Variants in TTC7B observed in about 807,000 individuals in gnomAD.
TTC7B encodes the protein tetratricopeptide repeat protein 7B.
TTC7B carries 28 observed loss-of-function variants against 106.8 expected under a neutral mutation model. The observed-to-expected ratio is 0.26, with a 90% CI of 0.19 to 0.36. The LOEUF (loss-of-function observed/expected upper bound fraction) is 0.36. Among genes scored for constraint, TTC7B ranks in the 10% least tolerant of loss-of-function variants. The probability of loss-of-function intolerance (pLI) is 1.00; values close to 1 mark genes in which losing one functional copy is unlikely to be tolerated. For missense variants in TTC7B, 862 were observed against 1,076.4 expected (o/e 0.80, Z 2.79); for synonymous variants, 405 against 430.6 (o/e 0.94, Z 0.74).
At chr14:90,632,772 T>C (rs1288515235) in intron 15 of TTC7B, among the ~76,000 whole-genome samples, 3 of 152,240 alleles carry the variant, frequency 2.0e-5, no homozygotes, top group Non-Finnish European at 4.4e-5. Flanking sequence ...TTAAATTCTC[T>C]GTGCCTCAGT....
intron 18 of TTC7B, among the ~76,000 whole-genome samples, chr14:90,586,152 C>T (rs1891700051): frequency 6.6e-6 from 1 of 152,230 alleles, no homozygotes; most frequent in Non-Finnish European, 1.5e-5. Flanking sequence ...CAGGTTCTCG[C>T]CTTCACCGCA....
In TTC7B at chr14:90,538,309, T is replaced by TG. The variant is rs1414872003; in HGVS notation, c.*3058dup. The TG allele has an allele frequency of 2.0e-5, 3 of 150,844 alleles. No individual in the cohort carries two copies. The highest frequency in any genetic ancestry group is 4.9e-5 in the African/African-American group (2 of 40,726). 9.3% of individuals were successfully genotyped at this position (150,844 alleles called of 1,614,324 possible). A position where few individuals can be genotyped will look rare whatever the true frequency, so the allele number is the denominator to read the frequency against. On this transcript the variant is annotated 3_prime_UTR_variant, in exon 20 of 20. Coordinates refer to ENST00000328459, the MANE Select transcript of TTC7B (RefSeq NM_001010854.2). ...ACGGACGGACGGACGGGTGGACGGA[T>TG]GAATGGATGGATGGATGGATGGACG...
intron 18 of TTC7B, among the ~76,000 whole-genome samples, chr14:90,593,044 C>T (rs1198129879): frequency 2.0e-5 from 3 of 152,172 alleles, no homozygotes; most frequent in Admixed American, 6.5e-5. Context: ...ACTCATCAAC[C>T]CTGGGAGATG....
At chr14:90,713,369 G>C (rs1888523072) in intron 5 of TTC7B, among the ~76,000 whole-genome samples, 2 of 152,132 alleles carry the variant, frequency 1.3e-5, no homozygotes, top group Admixed American at 1.3e-4. Flanking sequence ...GCTCACCTCA[G>C]CTTCCCAAAG....
chr14:90,699,177 T>C (rs976373910), intron 5 of TTC7B: 4 of 455,950 alleles, frequency 8.8e-6, no homozygotes, highest in Admixed American at 2.3e-5. Context: ...TCCTGTTCTA[T>C]GACTCTGAAC....
At chr14:90,809,326 C>G (rs2030772520) in intron 1 of TTC7B, among the ~76,000 whole-genome samples, 1 of 152,256 alleles carries the variant, frequency 6.6e-6, no homozygotes, top group Non-Finnish European at 1.5e-5. Flanking sequence ...TCTCATTGGT[C>G]AGAACTAATT....
chr14:90,802,109 C>T lies in TTC7B; in HGVS notation c.121+14066G>A, dbSNP rs1010372451. 2.6e-5 allele frequency among the ~76,000 whole-genome samples: 4 copies of T among 151,988 alleles called. No homozygotes were observed. The highest frequency in any genetic ancestry group is 3.4e-3 in the Middle Eastern group (1 of 294). The stretch of plus-strand genomic sequence containing the variant: ...GAAAGAAAGAAAGCAGCTGGAACAT[C>T]AAGTGTAAGATCACAGACTAGCCAT... On this transcript the variant is annotated intron_variant, in intron 1 of 19. Transcript: ENST00000328459. This position sits in a 1 kb window ranked among gnomAD's most constrained non-coding sequence, Gnocchi z 4.7.
intron 15 of TTC7B, among the ~76,000 whole-genome samples, chr14:90,621,680 C>T (rs1052457361): frequency 5.3e-5 from 8 of 152,202 alleles, no homozygotes; most frequent in Admixed American, 1.3e-4. Context: ...CTGCCCTGCC[C>T]GTCGCCAACA....
chr14:90,720,497 A>G (rs1888851478), intron 5 of TTC7B, among the ~76,000 whole-genome samples: 1 of 152,186 alleles, frequency 6.6e-6, no homozygotes, highest in Non-Finnish European at 1.5e-5. Context: ...GTAACACATC[A>G]TCTGAAACCA....
chr14:90,798,830 G>A (rs950770904), intron 1 of TTC7B, among the ~76,000 whole-genome samples: 7 of 152,028 alleles, frequency 4.6e-5, no homozygotes, highest in Non-Finnish European at 7.4e-5. Context: ...CTATGGAAGG[G>A]AGCAAGAGGA....
chr14:90,552,854 A>C lies in TTC7B; in HGVS notation c.2311-11265T>G, dbSNP rs1019473644. Among the ~76,000 whole-genome samples the C allele has an allele frequency of 2.6e-5, 4 of 152,318 alleles. No homozygotes were observed. The South Asian group carries it at 8.3e-4, about 32-fold the overall frequency. Reference sequence around the variant, plus strand: ...CCCCATGGCTGCCACCTCCCTGCTCAAATGTCAGAACCGAAACGGGGTGGC... The same window carrying C: ...CCCCATGGCTGCCACCTCCCTGCTCCAATGTCAGAACCGAAACGGGGTGGC... On this transcript the variant is annotated intron_variant, in intron 19 of 19. Transcript: ENST00000328459.
chr14:90,593,648 A>G, intron 17 of TTC7B, 22 bp from the exon 18 acceptor site: 2 of 1,564,464 alleles, frequency 1.3e-6, no homozygotes, highest in Non-Finnish European at 1.7e-6. Context: ...TTTTGAGAAG[A>G]CTCTATCAGG....
At chr14:90,643,659 T>C (rs1351165833) in intron 15 of TTC7B, among the ~76,000 whole-genome samples, 2 of 152,120 alleles carry the variant, frequency 1.3e-5, no homozygotes, top group Non-Finnish European at 2.9e-5. Context: ...CTCCACTGAC[T>C]GCAACCTCTG....
chr14:90,677,708 C>T (rs919569284), intron 8 of TTC7B: 2 of 379,320 alleles, frequency 5.3e-6, no homozygotes, highest in African/African-American at 4.2e-5. Context: ...GATCTTCCCC[C>T]TGACATTCAG....
intron 15 of TTC7B, among the ~76,000 whole-genome samples, chr14:90,621,275 C>T (rs955006177): frequency 4.3e-5 from 6 of 138,106 alleles, no homozygotes; most frequent in South Asian, 2.3e-4. Flanking sequence ...GCAGAGGCCA[C>T]GGGGTACAGC....
At chr14:90,794,297 G>C (rs747290460) in intron 1 of TTC7B, among the ~76,000 whole-genome samples, 1 of 147,784 alleles carries the variant, frequency 6.8e-6, no homozygotes, top group Non-Finnish European at 1.5e-5. Flanking sequence ...CGCAATCTCG[G>C]CTCACTGCAA....
intron 3 of TTC7B, among the ~76,000 whole-genome samples, chr14:90,746,312 A>T (rs897047539): frequency 5.9e-5 from 9 of 152,092 alleles, no homozygotes; most frequent in Admixed American, 6.6e-5. Flanking sequence ...TTAGTAGTTT[A>T]TATCTTCCAA....
intron 17 of TTC7B, among the ~76,000 whole-genome samples, chr14:90,607,592 G>T (rs564126215): frequency 6.6e-6 from 1 of 152,162 alleles, no homozygotes; most frequent in Admixed American, 6.5e-5. Flanking sequence ...GTGTTGCAGC[G>T]GATGTTCAAA....
intron 5 of TTC7B, among the ~76,000 whole-genome samples, chr14:90,701,487 G>A (rs570903206): frequency 6.6e-6 from 1 of 152,046 alleles, no homozygotes; most frequent in Admixed American, 6.6e-5. Context: ...GCGTGCACAA[G>A]GCCTAAGAAT....
Sources: allele counts gnomAD v4.1 joint callset (sites outside exome capture counted in the v4.1 genomes callset), GRCh38; gene constraint gnomAD v4.1.1; non-coding constraint Gnocchi (gnomAD v3.1); transcripts MANE v1.5; gene names NCBI Gene and HGNC (gene_info 2026-07-23, HGNC 2026-07-21).